The following SRGAP2 variants were observed in gnomAD, a reference collection of about 807,000 sequenced individuals.
SRGAP2 encodes the protein SLIT-ROBO Rho GTPase-activating protein 2.
SRGAP2 carries 15 observed loss-of-function variants against 57.2 expected under a neutral mutation model. The ratio of observed to expected loss-of-function variants is 0.26; its 90% CI spans 0.18 to 0.40. The LOEUF (loss-of-function observed/expected upper bound fraction) is 0.40. SRGAP2 is among the 10% of genes least tolerant of loss of function. The probability of loss-of-function intolerance (pLI) is 1.00; values close to 1 mark genes in which losing one functional copy is unlikely to be tolerated. For missense variants in SRGAP2, 520 were observed against 669.6 expected (o/e 0.78, Z 2.47); for synonymous variants, 249 against 248.0 (o/e 1.00, Z -0.04).
intron 4 of SRGAP2, among the ~76,000 whole-genome samples, chr1:206,359,991 A>G (rs1676778147): frequency 6.6e-6 from 1 of 150,786 alleles, no homozygotes; most frequent in Non-Finnish European, 1.5e-5. Context: ...TATTTTTAGT[A>G]GAGACGGGGT....
At chr1:206,303,256 C>T in intron 2 of SRGAP2, 25 bp from the exon 3 acceptor site, 4 of 1,430,408 alleles carry the variant, frequency 2.8e-6, no homozygotes, top group Non-Finnish European at 3.7e-6. Context: ...GTCTTTCTGA[C>T]TGTCTTCTCT....
chr1:206,231,790 T>TGCCTCC (rs1553307067), intron 2 of SRGAP2, among the ~76,000 whole-genome samples: 1 of 151,800 alleles, frequency 6.6e-6, no homozygotes, highest in African/African-American at 2.4e-5. Flanking sequence ...CACCTGCCTC[T>TGCCTCC]GCCTCCCAAA....
chr1:206,217,225 G>A (rs573747229), intron 2 of SRGAP2, among the ~76,000 whole-genome samples: 4 of 152,068 alleles, frequency 2.6e-5, no homozygotes, highest in Admixed American at 6.5e-5. Context: ...TTTGGTAGGC[G>A]GTGGAGATAC....
At chr1:206,309,203 A>T (rs1186971166) in intron 3 of SRGAP2, among the ~76,000 whole-genome samples, 1 of 150,778 alleles carries the variant, frequency 6.6e-6, no homozygotes, top group African/African-American at 2.5e-5. Context: ...TTAACAGGGA[A>T]AAGAGCTATG....
chr1:206,338,976 A>G (rs1674971769), intron 3 of SRGAP2, among the ~76,000 whole-genome samples: 1 of 151,892 alleles, frequency 6.6e-6, no homozygotes, highest in Non-Finnish European at 1.5e-5. Context: ...TATTGAGATC[A>G]GGATTATGAA....
chr1:206,267,061 C>T (rs1164691150), intron 2 of SRGAP2, among the ~76,000 whole-genome samples: 32 of 150,740 alleles, frequency 2.1e-4, no homozygotes, highest in African/African-American at 7.6e-4. Flanking sequence ...CTCCGCCTCC[C>T]GGGTTCACAC....
chr1:206,420,116 G>T (rs66887912), intron 12 of SRGAP2, among the ~76,000 whole-genome samples: 1 of 152,038 alleles, frequency 6.6e-6, no homozygotes, highest in Non-Finnish European at 1.5e-5. Context: ...TAGAGAAGGG[G>T]CTTTAATGGG....
intron 21 of SRGAP2, among the ~76,000 whole-genome samples, chr1:206,457,083 G>GAACT (rs782468472): frequency 3.3e-5 from 5 of 152,012 alleles, no homozygotes; most frequent in Non-Finnish European, 5.9e-5. Flanking sequence ...TTGAACCCAG[G>GAACT]AACTATATCT....
chr1:206,208,637 T>C (rs1553301784), intron 2 of SRGAP2, among the ~76,000 whole-genome samples: 1 of 152,248 alleles, frequency 6.6e-6, no homozygotes, highest in South Asian at 2.1e-4. Flanking sequence ...GCACAGAATT[T>C]GGAGACAAAG....
Position 206,463,161 on chromosome 1 carries a change from T to A in SRGAP2, c.*1741T>A, listed in dbSNP as rs1347807986. 6.9e-6 allele frequency: 1 copy of A among 143,910 alleles called. No homozygotes were observed. The highest frequency in any genetic ancestry group is 1.5e-5 in the Non-Finnish European group (1 of 65,200). 8.9% of individuals were successfully genotyped at this position (143,910 alleles called of 1,614,324 possible). A position where few individuals can be genotyped will look rare whatever the true frequency, so the allele number is the denominator to read the frequency against. ...GAAAGTGGTAGGATTTTTTTTTTTT[T>A]AATCCTGTGCAAAGGAAAAGAGGTG... On this transcript the variant is annotated 3_prime_UTR_variant, in exon 23 of 23. Coordinates refer to ENST00000573034, the MANE Select transcript of SRGAP2 (RefSeq NM_015326.5).
intron 10 of SRGAP2, among the ~76,000 whole-genome samples, chr1:206,413,799 T>G (rs782601476): frequency 3.3e-5 from 5 of 152,114 alleles, no homozygotes; most frequent in Admixed American, 6.5e-5. Context: ...TAATAAACCC[T>G]CTGTGACAGG....
intron 3 of SRGAP2, chr1:206,333,201 G>A: frequency 1.9e-6 from 1 of 523,192 alleles, no homozygotes; most frequent in South Asian, 1.9e-5. Flanking sequence ...GAGAACCACT[G>A]CTCTCTTCAA....
intron 18 of SRGAP2, among the ~76,000 whole-genome samples, chr1:206,449,074 T>C (rs1178041081): frequency 1.3e-5 from 2 of 152,094 alleles, no homozygotes; most frequent in African/African-American, 4.8e-5. Flanking sequence ...TGGGTGATGG[T>C]GCTTTCACAC....
rs1312691439 is a variant in SRGAP2 at position 206,454,415 on chromosome 1, G to A, written c.2361-463G>A. 21 of 554,786 alleles carry A rather than the reference G, an allele frequency of 3.8e-5. No individual in the cohort carries two copies. The highest frequency in any genetic ancestry group is 2.7e-4 in the African/African-American group (14 of 52,802). 34.4% of individuals were successfully genotyped at this position (554,786 alleles called of 1,614,324 possible). On this transcript the variant is annotated intron_variant, in intron 20 of 22. Coordinates refer to ENST00000573034, the MANE Select transcript of SRGAP2 (RefSeq NM_015326.5). This position sits in a 1 kb window ranked among gnomAD's most constrained non-coding sequence, Gnocchi z 4.3. Reference sequence around the variant, plus strand: ...GGATGCTCTGAGCGGGGCTAGAGGCGCTACGACAGTGTGTGGCGGTGTCCT... The same window carrying A: ...GGATGCTCTGAGCGGGGCTAGAGGCACTACGACAGTGTGTGGCGGTGTCCT...
chr1:206,457,567 G>A (rs1663942000), intron 21 of SRGAP2, among the ~76,000 whole-genome samples: 1 of 152,200 alleles, frequency 6.6e-6, no homozygotes. Flanking sequence ...TTCCACTCGA[G>A]AGCGGCTGAG....
chr1:206,353,663 C>G (rs1343095922), intron 4 of SRGAP2, among the ~76,000 whole-genome samples: 2 of 150,400 alleles, frequency 1.3e-5, no homozygotes, highest in Non-Finnish European at 3.0e-5. Context: ...CCACTGCACT[C>G]CAGCCTGGGA....
intron 17 of SRGAP2, among the ~76,000 whole-genome samples, chr1:206,442,904 G>A (rs545666104): frequency 3.9e-5 from 6 of 152,228 alleles, no homozygotes; most frequent in African/African-American, 1.4e-4. Flanking sequence ...ATTGCTGTGA[G>A]TCCTGGATGT....
chr1:206,402,514 G>A (rs1658286386), intron 8 of SRGAP2, among the ~76,000 whole-genome samples: 1 of 152,244 alleles, frequency 6.6e-6, no homozygotes, highest in Non-Finnish European at 1.5e-5. Context: ...TTAGAAGGAG[G>A]TTGTATAGGG....
intron 3 of SRGAP2, among the ~76,000 whole-genome samples, chr1:206,324,845 T>C (rs1428595754): frequency 6.6e-6 from 1 of 152,040 alleles, no homozygotes; most frequent in African/African-American, 2.4e-5. Context: ...ACTGGGGTCA[T>C]TTACAGAGCA....
Sources: allele counts gnomAD v4.1 joint callset (sites outside exome capture counted in the v4.1 genomes callset), GRCh38; gene constraint gnomAD v4.1.1; non-coding constraint Gnocchi (gnomAD v3.1); transcripts MANE v1.5; gene names NCBI Gene and HGNC (gene_info 2026-07-23, HGNC 2026-07-21).